Variants in CD82 observed in about 807,000 individuals in gnomAD.
CD82 encodes CD82 antigen.
In CD82, 36 loss-of-function variants were observed where a neutral mutation model predicts 37.4. That is an observed-to-expected ratio of 0.96 (90% CI 0.74 to 1.27). The LOEUF (loss-of-function observed/expected upper bound fraction) is 1.27, where lower values mean the gene tolerates loss of function less well. CD82 is among the 50% of genes most tolerant of loss of function. The pLI, the probability that CD82 is intolerant of heterozygous loss-of-function variation, is 0.00. For missense variants in CD82, 340 were observed against 347.0 expected, an observed-to-expected ratio of 0.98 and a Z score of 0.16; for synonymous variants, 158 against 137.4, an observed-to-expected ratio of 1.15 and a Z score of -1.05.
chr11:44,579,305 G>A (rs886123686), intron 1 of CD82, among the ~76,000 whole-genome samples: 1 of 152,062 alleles, frequency 6.6e-6, no homozygotes, highest in African/African-American at 2.4e-5. Context: ...GGGGAGGCAG[G>A]ACATGCAGGG....
intron 1 of CD82, among the ~76,000 whole-genome samples, chr11:44,573,975 G>A (rs1373424820): frequency 6.6e-6 from 1 of 152,202 alleles, no homozygotes; most frequent in Admixed American, 6.5e-5. Context: ...TGGTGATGAT[G>A]AGCAAAGGCT....
chr11:44,588,675 C>G (rs1041121385), intron 2 of CD82, among the ~76,000 whole-genome samples: 5 of 152,124 alleles, frequency 3.3e-5, no homozygotes, highest in East Asian at 1.9e-4. Context: ...GGGAGCTGCT[C>G]TAGTCTCCAG....
chr11:44,612,534 G>C (rs958627935), intron 6 of CD82, among the ~76,000 whole-genome samples: 1 of 116,044 alleles, frequency 8.6e-6, no homozygotes, highest in African/African-American at 3.4e-5. Flanking sequence ...CTGTATAAGG[G>C]CTTTTTTTTT....
chr11:44,573,488 C>T (rs1158945399), intron 1 of CD82, among the ~76,000 whole-genome samples: 1 of 152,104 alleles, frequency 6.6e-6, no homozygotes, highest in African/African-American at 2.4e-5. Flanking sequence ...ATGTAGATAG[C>T]CCACCTCCCT....
At chr11:44,577,216 C>G (rs1590328038) in intron 1 of CD82, among the ~76,000 whole-genome samples, 1 of 152,332 alleles carries the variant, frequency 6.6e-6, no homozygotes, top group East Asian at 1.9e-4. Context: ...AGGTTTTCCT[C>G]CCAGCTCGGC....
chr11:44,579,613 G>A (rs1852951658), intron 1 of CD82, among the ~76,000 whole-genome samples: 1 of 152,152 alleles, frequency 6.6e-6, no homozygotes, highest in South Asian at 2.1e-4. Context: ...CAGAGGAGAG[G>A]CCCAGGGAGC....
rs1045125745 is a variant in CD82, at chr11:44,575,582, C to T, written c.-103+9846C>T. On this transcript the variant is annotated intron_variant, in intron 1 of 9. Transcript: ENST00000227155. ...GCATTGCTAACACGTTCCCAGGGGA[C>T]GCTGCATCTGCTGGCCCTGGACCAC... Among the ~76,000 whole-genome samples the T allele has an allele frequency of 7.9e-5, 12 of 152,166 alleles. 1 individual carries two copies. Among genetic ancestry groups the T allele is most frequent in the East Asian group, 5.8e-4 (3 of 5,198 alleles).
chr11:44,618,140 GTCTGTCC>G lies in CD82; in HGVS notation c.439-21_439-15del. On this transcript the variant is annotated splice_polypyrimidine_tract_variant and intron_variant, in intron 7 of 9. Transcript: ENST00000227155. ...CTAGGGTGAGCCGTGAGCACAAGCA[GTCTGTCC>G]CCTGCCTTGCCCAGGTGAAGTGCTG... 6.2e-7 allele frequency: 1 copy of G among 1,611,526 alleles called. No individual in the cohort carries two copies.
At chr11:44,587,434 G>A (rs1040382033) in intron 1 of CD82, 41 bp from the exon 2 acceptor site, 2 of 456,202 alleles carry the variant, frequency 4.4e-6, no homozygotes, top group East Asian at 7.0e-5. Flanking sequence ...CCTTTGGAGA[G>A]TCACAGACAG....
intron 6 of CD82, among the ~76,000 whole-genome samples, chr11:44,614,570 G>A (rs142726231): frequency 6.6e-6 from 1 of 152,278 alleles, no homozygotes; most frequent in Non-Finnish European, 1.5e-5. Flanking sequence ...GGAGAGAGAT[G>A]ATAAGCCCTG....
intron 1 of CD82, among the ~76,000 whole-genome samples, chr11:44,569,210 GGTGTGGGATGT>G (rs1452968321): frequency 1.3e-5 from 2 of 152,196 alleles, no homozygotes; most frequent in East Asian, 3.9e-4. Context: ...TGGAGTGAGT[GGTGTGGGATGT>G]GTTGCTCCCC....
At chr11:44,601,013 G>A (rs1209513610) in intron 4 of CD82, among the ~76,000 whole-genome samples, 20 of 152,294 alleles carry the variant, frequency 1.3e-4, no homozygotes, top group Non-Finnish European at 2.9e-5. Flanking sequence ...CATTTTTACA[G>A]GGATAAGAGC....
intron 6 of CD82, among the ~76,000 whole-genome samples, chr11:44,610,626 G>A (rs1037545718): frequency 6.6e-6 from 1 of 151,868 alleles, no homozygotes; most frequent in Admixed American, 6.5e-5. Context: ...CTAAGATCCC[G>A]GGTCCCTGGA....
Position 44,597,036 on chromosome 11 carries a change from C to T in CD82, c.63+2311C>T. Reference sequence around the variant, plus strand: ...AGGGGGATCCTGGCAGCAGGGGCAGCCGGTGGAGGCAGAGTGCACCTCCCC... The same window carrying T: ...AGGGGGATCCTGGCAGCAGGGGCAGTCGGTGGAGGCAGAGTGCACCTCCCC... On this transcript the variant is annotated intron_variant, in intron 3 of 9. Transcript: ENST00000227155. This position sits in a 1 kb window ranked among gnomAD's most constrained non-coding sequence, Gnocchi z 4.1. 1 of 455,752 alleles carries T rather than the reference C, an allele frequency of 2.2e-6. No homozygotes were observed. The highest frequency in any genetic ancestry group is 1.5e-5 in the South Asian group (1 of 64,544). 28.2% of individuals were successfully genotyped at this position (455,752 alleles called of 1,614,324 possible).
At position 44,605,197 on chromosome 11, in the gene CD82, C is replaced by T; in HGVS notation, c.261+15C>T. On this transcript the variant is annotated intron_variant, in intron 5 of 9. Transcript: ENST00000227155. ...TGCTGGGGCTGGTGAGTACGGATCC[C>T]TCCGCAGCTGCCTGCCCATTTCCTC... 6.2e-7 allele frequency: 1 copy of T among 1,611,254 alleles called. No homozygotes were observed. Among genetic ancestry groups the T allele is most frequent in the Non-Finnish European group, 8.5e-7 (1 of 1,178,164 alleles).
chr11:44,569,495 C>T (rs1467182788), intron 1 of CD82, among the ~76,000 whole-genome samples: 1 of 152,156 alleles, frequency 6.6e-6, no homozygotes, highest in Non-Finnish European at 1.5e-5. Flanking sequence ...TAAGTTCCTT[C>T]TCTCTGGGAT....
chr11:44,574,232 T>C (rs1852856458), intron 1 of CD82, among the ~76,000 whole-genome samples: 1 of 152,194 alleles, frequency 6.6e-6, no homozygotes, highest in Non-Finnish European at 1.5e-5. Context: ...CTTGGTGTTG[T>C]GAGAAGCTCT....
intron 2 of CD82, among the ~76,000 whole-genome samples, chr11:44,589,843 GT>G (rs911422621): frequency 6.6e-6 from 1 of 151,046 alleles, no homozygotes; most frequent in Non-Finnish European, 1.5e-5. Context: ...TCTTCGTTTT[GT>G]TTTTTTTGAG....
rs1415124675 is a variant in CD82, at chr11:44,587,337, G to A, written c.-102-138G>A. ...AGGCTACATGAGCCTGTGGGGGGAA[G>A]AGGACAGAGGAATGGCAACCCTGGC... is the stretch of plus-strand genomic sequence containing the variant. On this transcript the variant is annotated intron_variant, in intron 1 of 9. Coordinates refer to ENST00000227155, the MANE Select transcript of CD82 (RefSeq NM_002231.4). 3 of 427,840 alleles carry A rather than the reference G, an allele frequency of 7.0e-6. No homozygotes were observed. The Admixed American group carries it at 7.2e-5, about 10-fold the overall frequency. The allele number at this position is 427,840 out of a possible 1,614,324, so 26.5% of individuals were successfully genotyped here.
Sources: allele counts gnomAD v4.1 joint callset (sites outside exome capture counted in the v4.1 genomes callset), GRCh38; gene constraint gnomAD v4.1.1; non-coding constraint Gnocchi (gnomAD v3.1); transcripts MANE v1.5; gene names NCBI Gene and HGNC (gene_info 2026-07-23, HGNC 2026-07-21).